PCGF6: variants seen among roughly 807,000 people sequenced by gnomAD.
PCGF6 encodes the protein polycomb group ring finger 6.
Under a neutral mutation model 45.5 loss-of-function variants are expected in PCGF6, and 24 were observed. That is an observed-to-expected ratio of 0.53 (90% confidence interval 0.38 to 0.74). The LOEUF (loss-of-function observed/expected upper bound fraction) is 0.74, where lower values mean the gene tolerates loss of function less well. Ranked by LOEUF, PCGF6 falls within the 30% of genes least tolerant of loss-of-function variation. The pLI is 0.00. For synonymous variants in PCGF6, 152 were observed against 162.1 expected (o/e 0.94, Z 0.47); for missense variants, 356 against 443.2 (o/e 0.80, Z 1.77).
chr10:103,341,692 C>A (rs902176015), intron 6 of PCGF6, among the ~76,000 whole-genome samples: 3 of 151,850 alleles, frequency 2.0e-5, no homozygotes, highest in African/African-American at 7.3e-5. Context: ...AATCTGCCCA[C>A]CTAAGCCTCC....
At chr10:103,349,133 C>G in intron 1 of PCGF6, 134 bp from the exon 2 acceptor site, 1 of 697,182 alleles carries the variant, frequency 1.4e-6, no homozygotes. Context: ...CTGCAACCTC[C>G]GCCTCCTGGA....
At chr10:103,309,736 C>A (rs1361554634) in intron 9 of PCGF6, among the ~76,000 whole-genome samples, 1 of 151,886 alleles carries the variant, frequency 6.6e-6, no homozygotes, top group South Asian at 2.1e-4. Context: ...TCAAAACCAG[C>A]CTGGGCAACA....
intron 9 of PCGF6, among the ~76,000 whole-genome samples, chr10:103,309,813 G>A (rs898713643): frequency 6.6e-5 from 10 of 151,948 alleles, no homozygotes; most frequent in Admixed American, 3.9e-4. Context: ...CATCTGTAAC[G>A]TCTGTTGTCC....
intron 8 of PCGF6, among the ~76,000 whole-genome samples, chr10:103,323,203 A>G (rs1440280586): frequency 6.6e-6 from 1 of 152,200 alleles, no homozygotes; most frequent in Non-Finnish European, 1.5e-5. Flanking sequence ...TATAACCAGG[A>G]TATGTCAAGC....
chr10:103,305,986 C>G (rs1008961872), intron 9 of PCGF6, among the ~76,000 whole-genome samples: 2 of 152,078 alleles, frequency 1.3e-5, no homozygotes, highest in African/African-American at 2.4e-5. Context: ...CTATATGATT[C>G]CAGATGCTAT....
chr10:103,347,127 ATC>A, intron 5 of PCGF6, 109 bp downstream of exon 5: 4 of 787,010 alleles, frequency 5.1e-6, no homozygotes, highest in African/African-American at 1.7e-5. Flanking sequence ...TACCTTCAAA[ATC>A]TCTCTGATCA....
intron 7 of PCGF6, 39 bp from the exon 8 acceptor site, chr10:103,326,671 T>A: frequency 6.7e-7 from 1 of 1,485,582 alleles, no homozygotes; most frequent in Non-Finnish European, 9.3e-7. Context: ...TTAGGTTAAA[T>A]ATACCTGTAC....
chr10:103,340,912 A>T (rs907447063), intron 6 of PCGF6, among the ~76,000 whole-genome samples: 1 of 152,110 alleles, frequency 6.6e-6, no homozygotes, highest in Non-Finnish European at 1.5e-5. Context: ...CCTCAAAATA[A>T]TTTTTTAAAA....
chr10:103,350,432 A>G (rs2093316689), intron 1 of PCGF6, among the ~76,000 whole-genome samples: 1 of 152,196 alleles, frequency 6.6e-6, no homozygotes, highest in African/African-American at 2.4e-5. Context: ...CTGTCTCAAA[A>G]TAATTATAAT....
chr10:103,324,759 C>CAA (rs1189652042), intron 8 of PCGF6, among the ~76,000 whole-genome samples: 6 of 41,664 alleles, frequency 1.4e-4, no homozygotes, highest in Non-Finnish European at 2.5e-4. Flanking sequence ...GACTCCGCCT[C>CAA]AAAAAAAAAA....
intron 9 of PCGF6, chr10:103,312,511 T>C (rs2093160990): frequency 6.5e-6 from 1 of 153,430 alleles, no homozygotes; most frequent in Admixed American, 6.6e-5. Flanking sequence ...TGATGTTGAT[T>C]CTGGCACCAA....
At chr10:103,327,381 A>G (rs528288853) in intron 7 of PCGF6, among the ~76,000 whole-genome samples, 13 of 152,332 alleles carry the variant, frequency 8.5e-5, no homozygotes, top group African/African-American at 3.1e-4. Context: ...TAAGGGGTGT[A>G]AATGACAAAT....
intron 9 of PCGF6, among the ~76,000 whole-genome samples, chr10:103,309,569 A>G (rs1173574498): frequency 1.3e-5 from 2 of 152,168 alleles, no homozygotes; most frequent in Admixed American, 6.6e-5. Context: ...AGTCTCAGGT[A>G]TTTCTTTATA....
In PCGF6 at chr10:103,303,874, T is replaced by C. The variant is rs1396698766; in HGVS notation, c.*31A>G. 1.3e-6 allele frequency: 2 copies of C among 1,576,744 alleles called. No individual in the cohort carries two copies. Among genetic ancestry groups the C allele is most frequent in the Non-Finnish European group, 8.7e-7 (1 of 1,148,832 alleles). ...GATGCAGTCCTGCAGAAGCCTCCTT[T>C]GTTTCCCTCCTCATAATGTGCCTAG... On this transcript the variant is annotated 3_prime_UTR_variant, in exon 10 of 10. Coordinates refer to ENST00000369847, the MANE Select transcript of PCGF6 (RefSeq NM_001011663.2).
chr10:103,348,457 C>T (rs185574658), intron 3 of PCGF6: 26 of 244,646 alleles, frequency 1.1e-4, no homozygotes, highest in African/African-American at 5.9e-4. Flanking sequence ...CTGCCTCAAC[C>T]TCCCAAGTAG....
intron 6 of PCGF6, among the ~76,000 whole-genome samples, chr10:103,344,005 A>G (rs897666661): frequency 1.3e-5 from 2 of 152,086 alleles, no homozygotes; most frequent in Non-Finnish European, 2.9e-5. Context: ...TAAAACAGCA[A>G]CAAGTAAATA....
intron 6 of PCGF6, among the ~76,000 whole-genome samples, chr10:103,341,306 G>C (rs2093279794): frequency 6.6e-6 from 1 of 151,138 alleles, no homozygotes. Flanking sequence ...ACCCAGGCTG[G>C]AGTGCAATGG....
intron 8 of PCGF6, among the ~76,000 whole-genome samples, chr10:103,323,430 G>A (rs891198266): frequency 6.6e-6 from 1 of 151,706 alleles, no homozygotes; most frequent in Non-Finnish European, 1.5e-5. Flanking sequence ...TCAAGTAGCT[G>A]GGATTACAAG....
chr10:103,311,275 G>A (rs914088343), intron 9 of PCGF6, among the ~76,000 whole-genome samples: 4 of 152,022 alleles, frequency 2.6e-5, no homozygotes, highest in Non-Finnish European at 5.9e-5. Flanking sequence ...CCGAGTAGCT[G>A]GGATTACAGG....
Sources: gnomAD v4.1 joint callset for allele counts (sites outside exome capture counted in the v4.1 genomes callset) on GRCh38, gnomAD v4.1.1 for gene constraint, MANE v1.5 for transcripts, NCBI Gene and HGNC (gene_info 2026-07-23, HGNC 2026-07-21) for gene names.